Variants in KRT13 observed in about 807,000 individuals in gnomAD.
KRT13 encodes the protein keratin 13, also known as keratin, type I cytoskeletal 13.
KRT13 carries 27 observed loss-of-function variants against 40.6 expected under a neutral mutation model. The observed-to-expected ratio is 0.67, with a 90% CI of 0.49 to 0.92. KRT13 has a LOEUF of 0.92. Among genes scored for constraint, KRT13 ranks in the 40% least tolerant of loss-of-function variants. The pLI is 0.00. For missense variants in KRT13, 605 were observed against 611.5 expected, an observed-to-expected ratio of 0.99 and a Z score of 0.11; for synonymous variants, 266 against 240.3, an observed-to-expected ratio of 1.11 and a Z score of -0.99.
In KRT13 at chr17:41,502,417, C is replaced by G. The variant is rs1904884093; in HGVS notation, c.1201G>C (p.Glu401Gln). ...LLDIKTRLEQ[E>Q]IATYRSLLEG... ...AGCAGGCTGCGGTAGGTGGCGATCTCCTGCTCCAGACGTGTCTTGATGTCC... is the reference window on the plus strand; with the variant it reads ...AGCAGGCTGCGGTAGGTGGCGATCTGCTGCTCCAGACGTGTCTTGATGTCC... The change falls in exon 6 of 8, where the codon GAG becomes CAG. Residue 401 changes from glutamate to glutamine, a missense_variant. Transcript: ENST00000246635. 1 of 1,614,146 alleles carries G rather than the reference C, an allele frequency of 6.2e-7. No homozygotes were observed. The highest frequency in any genetic ancestry group is 1.7e-5 in the Admixed American group (1 of 60,012).
intron 2 of KRT13, 53 bp from the exon 3 acceptor site, chr17:41,503,496 A>G: frequency 1.3e-6 from 2 of 1,598,512 alleles, no homozygotes; most frequent in Non-Finnish European, 1.7e-6. Flanking sequence ...CATAAATGAT[A>G]TGAGACATTC....
At chr17:41,503,203 G>A (rs1904930084) in intron 3 of KRT13, 84 bp downstream of exon 3, 3 of 1,602,036 alleles carry the variant, frequency 1.9e-6, no homozygotes, top group Non-Finnish European at 2.6e-6. Context: ...TCCCACAGTG[G>A]AGGACTGTGT....
In KRT13 at chr17:41,505,541, G is replaced by C. The variant is rs758585565; in HGVS notation, c.10C>G (p.Arg4Gly). The change falls in exon 1 of 8, where the codon CGC (arginine) becomes GGC (glycine). Residue 4 changes from arginine (R) to glycine (G), a missense_variant. Coordinates refer to ENST00000246635, the MANE Select transcript of KRT13 (RefSeq NM_153490.3). MSL[R>G]LQSSSASYGG... ...TAGCTGGCAGAGGAGCTCTGCAGGC[G>C]GAGGCTCATGGTGAGAGCAGGATTG... 6.2e-7 allele frequency: 1 copy of C among 1,614,234 alleles called. No homozygotes were observed. The highest frequency in any genetic ancestry group is 8.5e-7 in the Non-Finnish European group (1 of 1,180,052).
rs202173288 is a variant in KRT13 at position 41,505,027 on chromosome 17, G to A, written c.495+29C>T. On this transcript the variant is annotated intron_variant, in intron 1 of 7. Coordinates refer to ENST00000246635, the MANE Select transcript of KRT13 (RefSeq NM_153490.3). ...CCTTGGAGGCTCTGCCCTTCATGGA[G>A]GACCCCTCCTCAGCTTCCAAGGGCT... is the stretch of plus-strand genomic sequence containing the variant. The A allele has an allele frequency of 1.3e-5, 21 of 1,613,488 alleles. No homozygotes were observed. In the Admixed American group the frequency reaches 2.0e-4, roughly 15 times the overall value.
rs747428896 is a variant in KRT13 at position 41,503,723 on chromosome 17, G to T, written c.498C>A (p.Ile166=). 1 of 1,614,012 alleles carries T rather than the reference G, an allele frequency of 6.2e-7. No individual in the cohort carries two copies. The highest frequency in any genetic ancestry group is 8.5e-7 in the Non-Finnish European group (1 of 1,179,900). ...YKTIEELRDK[I]LTATIENNRV... is the part of the protein sequence containing the mutation. The stretch of plus-strand genomic sequence containing the variant: ...GGTTGTTTTCAATGGTGGCGGTCAG[G>T]ATCTACAAAATGCAGAAGAAGGTAA... The change falls in exon 2 of 8, where the codon ATC becomes ATA. Residue 166 remains isoleucine, a splice_region_variant and synonymous_variant. Coordinates refer to ENST00000246635, the MANE Select transcript of KRT13 (RefSeq NM_153490.3).
chr17:41,504,857 T>C lies in KRT13; in HGVS notation c.495+199A>G, dbSNP rs1301062242. Among the ~76,000 whole-genome samples the C allele has an allele frequency of 2.0e-5, 3 of 152,232 alleles. No homozygotes were observed. In the East Asian group the frequency reaches 5.8e-4, roughly 29 times the overall value. On this transcript the variant is annotated intron_variant, in intron 1 of 7. Transcript: ENST00000246635. Reference sequence around the variant, plus strand: ...TAATAACAATCATAAAAATGAATAATGAGAGAAAATGCATTTGGGGAGTTG... The same window carrying C: ...TAATAACAATCATAAAAATGAATAACGAGAGAAAATGCATTTGGGGAGTTG...
At position 41,502,357 on chromosome 17, in the gene KRT13, G is replaced by A. The variant is rs763708756; in HGVS notation, c.1244+17C>T. On this transcript the variant is annotated intron_variant, in intron 6 of 7. Transcript: ENST00000246635. Reference sequence around the variant, plus strand: ...CCTGCAGTCACTATCCTAAGAAAGAGGCTGGAGAGGACCTACTTGGCGTCC... The same window carrying A: ...CCTGCAGTCACTATCCTAAGAAAGAAGCTGGAGAGGACCTACTTGGCGTCC... The A allele has an allele frequency of 6.2e-7, 1 of 1,613,990 alleles. No homozygotes were observed. Among genetic ancestry groups the A allele is most frequent in the Non-Finnish European group, 8.5e-7 (1 of 1,180,040 alleles).
In KRT13 at chr17:41,501,290, G is replaced by A; in HGVS notation, c.1343C>T (p.Ser448Phe). The change falls in exon 8 of 8, where the codon TCT (serine) becomes TTT (phenylalanine). Residue 448 changes from serine to phenylalanine, a missense_variant. Coordinates refer to ENST00000246635, the MANE Select transcript of KRT13 (RefSeq NM_153490.3). ...SASVTTTSNA[S>F]GRRTSDVRRP ...ACGGACATCAGAAGTGCGGCGACCA[G>A]AGGCATTAGAGGTGGTGGTAACAGA... is the stretch of plus-strand genomic sequence containing the variant. 1.1e-5 allele frequency: 18 copies of A among 1,574,782 alleles called. No individual in the cohort carries two copies. The highest frequency in any genetic ancestry group is 1.6e-5 in the Non-Finnish European group (18 of 1,159,988).
chr17:41,501,887 G>A, intron 6 of KRT13, 143 bp from the exon 7 acceptor site: 2 of 1,529,324 alleles, frequency 1.3e-6, no homozygotes, highest in Non-Finnish European at 1.8e-6. Context: ...CCCAGCTCAA[G>A]GGACAGCAGC....
chr17:41,505,012 T>C, intron 1 of KRT13, 44 bp downstream of exon 1: 1 of 1,611,878 alleles, frequency 6.2e-7, no homozygotes, highest in Non-Finnish European at 8.5e-7. Context: ...CCTTGGAGGC[T>C]CTGCCCTTCA....
Position 41,503,381 on chromosome 17 carries a change from A to C in KRT13, c.641T>G (p.Val214Gly). The C allele has an allele frequency of 6.2e-7, 1 of 1,614,232 alleles. No individual in the cohort carries two copies. Among genetic ancestry groups the C allele is most frequent in the Non-Finnish European group, 8.5e-7 (1 of 1,180,032 alleles). ...VEADINGLRR[V>G]LDELTLSKTD... Reference sequence around the variant, plus strand: ...CTTAGACAGAGTGAGCTCATCCAGCACCCGGCGCAGGCCGTTGATGTCGGC... The same window carrying C: ...CTTAGACAGAGTGAGCTCATCCAGCCCCCGGCGCAGGCCGTTGATGTCGGC... Residue 214 changes from valine to glycine, a missense_variant, in exon 3 of 8, where the codon GTG (valine) becomes GGG (glycine). By Grantham distance (109) the Val-to-Gly change is moderately radical. Transcript: ENST00000246635.
At chr17:41,501,677 G>A (rs750665992) in intron 7 of KRT13, 42 bp downstream of exon 7, 1 of 1,560,148 alleles carries the variant, frequency 6.4e-7, no homozygotes, top group Non-Finnish European at 8.7e-7. Flanking sequence ...TGAATGGGAG[G>A]CTAACTCTGC....
Position 41,501,134 on chromosome 17 carries a change from G to T in KRT13, c.*122C>A. 1.4e-6 allele frequency: 1 copy of T among 698,446 alleles called. No individual in the cohort carries two copies. The highest frequency in any genetic ancestry group is 1.5e-5 in the South Asian group (1 of 66,032). The allele number at this position is 698,446 out of a possible 1,614,324, so 43.3% of individuals were successfully genotyped here. ...CACCATCAGGAGAGAGTCAGGACAGGGGGTCCTGAGAGCAGAGGGACTGAG... is the reference window on the plus strand; with the variant it reads ...CACCATCAGGAGAGAGTCAGGACAGTGGGTCCTGAGAGCAGAGGGACTGAG... On this transcript the variant is annotated 3_prime_UTR_variant, in exon 8 of 8. Transcript: ENST00000246635.
rs115100417 is a variant in KRT13, at chr17:41,503,159, G to C, written c.736-61C>G. Reference sequence around the variant, plus strand: ...TCATCCTCCCTCTCCTTGGCTCTGAGTGCTGGCAGAGTGTTCTGGAGAGTG... The same window carrying C: ...TCATCCTCCCTCTCCTTGGCTCTGACTGCTGGCAGAGTGTTCTGGAGAGTG... On this transcript the variant is annotated intron_variant, in intron 3 of 7. Transcript: ENST00000246635. The C allele has an allele frequency of 4.6e-5, 74 of 1,607,920 alleles. No homozygotes were observed. The African/African-American group carries it at 9.1e-4, about 20-fold the overall frequency.
chr17:41,502,409 G>A lies in KRT13; in HGVS notation c.1209C>T (p.Ala403=). 6 of 1,614,246 alleles carry A rather than the reference G, an allele frequency of 3.7e-6. No homozygotes were observed. The highest frequency in any genetic ancestry group is 5.1e-6 in the Non-Finnish European group (6 of 1,180,044). ...DIKTRLEQEI[A]TYRSLLEGQD... ...GGCCCTCGAGCAGGCTGCGGTAGGT[G>A]GCGATCTCCTGCTCCAGACGTGTCT... Residue 403 remains alanine, a synonymous_variant, in exon 6 of 8, where the codon GCC becomes GCT. Transcript: ENST00000246635.
intron 2 of KRT13, 64 bp downstream of exon 2, chr17:41,503,579 T>C: frequency 6.4e-7 from 1 of 1,560,010 alleles, no homozygotes. Flanking sequence ...ATTGGTCAGA[T>C]GAGCTTTTGT....
intron 1 of KRT13, chr17:41,504,568 C>A (rs1489488782): frequency 1.2e-5 from 2 of 168,404 alleles, no homozygotes; most frequent in Non-Finnish European, 2.6e-5. Context: ...GGCACCCAGG[C>A]TCGGCACTGC....
At chr17:41,502,007 G>A (rs1163331123) in intron 6 of KRT13, 64 of 1,418,616 alleles carry the variant, frequency 4.5e-5, no homozygotes, top group Middle Eastern at 2.6e-4. Context: ...CCTCTGGATC[G>A]CCCAAACCCG....
chr17:41,503,306 A>C lies in KRT13; in HGVS notation c.716T>G (p.Met239Arg), dbSNP rs892300295. The C allele has an allele frequency of 1.9e-6, 3 of 1,614,158 alleles. No individual in the cohort carries two copies. The highest frequency in any genetic ancestry group is 1.7e-6 in the Non-Finnish European group (2 of 1,180,034). The change falls in exon 3 of 8, where the codon ATG (methionine) becomes AGG (arginine). Residue 239 changes from methionine to arginine, a missense_variant. Coordinates refer to ENST00000246635, the MANE Select transcript of KRT13 (RefSeq NM_153490.3). Reference protein sequence around the residue: ...IESLNEELAYMKKNHEEEMKE... With the variant: ...IESLNEELAYRKKNHEEEMKE... Reference sequence around the variant, plus strand: ...GCTCACCTCTTCATGGTTCTTCTTCATGTAGGCTAGCTCTTCATTCAGGCT... The same window carrying C: ...GCTCACCTCTTCATGGTTCTTCTTCCTGTAGGCTAGCTCTTCATTCAGGCT...
Sources: allele counts gnomAD v4.1 joint callset (sites outside exome capture counted in the v4.1 genomes callset), GRCh38; gene constraint gnomAD v4.1.1; transcripts MANE v1.5; gene names NCBI Gene and HGNC (gene_info 2026-07-23, HGNC 2026-07-21).